The following ANKRD45 variants were observed in gnomAD, a reference collection of about 807,000 sequenced individuals.
The protein encoded by ANKRD45 is ankyrin repeat domain 45.
Under a neutral mutation model 28.1 loss-of-function variants are expected in ANKRD45, and 21 were observed. That is an observed-to-expected ratio of 0.75 (90% CI 0.53 to 1.08). The LOEUF (loss-of-function observed/expected upper bound fraction) is 1.08, where lower values mean the gene tolerates loss of function less well. ANKRD45 is among the 50% of genes least tolerant of loss of function. The pLI is 0.00. For missense variants in ANKRD45, 261 were observed against 308.7 expected, an observed-to-expected ratio of 0.85 and a Z score of 1.16; for synonymous variants, 86 against 103.9, an observed-to-expected ratio of 0.83 and a Z score of 1.05.
At chr1:173,708,875 G>T in the ANKRD45 span, among the ~76,000 whole-genome samples, 1 of 152,132 alleles carries the variant, frequency 6.6e-6, no homozygotes, top group Non-Finnish European at 1.5e-5. Flanking sequence ...ATTAGCACTG[G>T]GACCCCGGTC....
At position 173,624,876 on chromosome 1, in the gene ANKRD45, T is replaced by C. The variant is rs1196542882; in HGVS notation, c.641A>G (p.His214Arg). Residue 214 changes from histidine (H) to arginine (R), a missense_variant, in exon 5 of 6, where the codon CAT (histidine) becomes CGT (arginine). By Grantham distance (29) the His-to-Arg change is conservative (BLOSUM62 0). Coordinates refer to ENST00000333279, the MANE Select transcript of ANKRD45 (RefSeq NM_198493.3). ...CRAKNEWLET[H>R]TEASINELFE... ...AAGCTCATTAATGGAAGCTTCTGTA[T>C]GGGTTTCCAACCACTCATTTTTTGC... is the stretch of plus-strand genomic sequence containing the variant. 12 of 1,613,838 alleles carry C rather than the reference T, an allele frequency of 7.4e-6. No individual in the cohort carries two copies. Among genetic ancestry groups the C allele is most frequent in the African/African-American group, 2.7e-5 (2 of 75,050 alleles).
chr1:173,611,013 T>C (rs528862341), intron 5 of ANKRD45, among the ~76,000 whole-genome samples: 1 of 152,100 alleles, frequency 6.6e-6, no homozygotes, highest in Non-Finnish European at 1.5e-5. Flanking sequence ...GCCCAAAAAA[T>C]AAAGCCGAAA....
the ANKRD45 span, among the ~76,000 whole-genome samples, chr1:173,706,599 A>T: frequency 3.3e-5 from 5 of 151,998 alleles, no homozygotes; most frequent in Admixed American, 6.6e-5. Flanking sequence ...TCGGCCTCCC[A>T]AAGTGCTGGG....
At chr1:173,697,870 C>A in the ANKRD45 span, among the ~76,000 whole-genome samples, 1 of 151,956 alleles carries the variant, frequency 6.6e-6, no homozygotes, top group East Asian at 1.9e-4. Context: ...CACAGACTAG[C>A]AAATTGGATA....
At position 173,608,892 on chromosome 1, in the gene ANKRD45, G is replaced by GAGGAA. The variant is rs1667031623; in HGVS notation, c.*1252_*1253insTTCCT. 1.2e-5 allele frequency among the ~76,000 whole-genome samples: 1 copy of GAGGAA among 81,572 alleles called. No homozygotes were observed. The highest frequency in any genetic ancestry group is 2.3e-5 in the Non-Finnish European group (1 of 42,734). The allele number at this position is 81,572 out of a possible 152,430, so 53.5% of individuals were successfully genotyped here. ...GGGGAGGGGAGAGGAAGGGAGGGGA[G>GAGGAA]GGGAGAGGAAGGGAGAGGAAGGGAG... is the stretch of plus-strand genomic sequence containing the variant. On this transcript the variant is annotated 3_prime_UTR_variant, in exon 6 of 6. Transcript: ENST00000333279.
At chr1:173,654,004 C>G (rs1348758966) in intron 2 of ANKRD45, among the ~76,000 whole-genome samples, 6 of 148,856 alleles carry the variant, frequency 4.0e-5, no homozygotes. Context: ...TGTGTCTCTG[C>G]ACATGAGATG....
intron 4 of ANKRD45, 134 bp from the exon 5 acceptor site, chr1:173,625,059 A>T: frequency 1.2e-6 from 1 of 825,648 alleles, no homozygotes; most frequent in East Asian, 2.7e-5. Context: ...TGTCCAATAC[A>T]GTAGCCATTA....
the ANKRD45 span, among the ~76,000 whole-genome samples, chr1:173,714,524 T>C: frequency 6.6e-6 from 1 of 152,150 alleles, no homozygotes; most frequent in African/African-American, 2.4e-5. Flanking sequence ...CTCTGGTCTG[T>C]CTATCTAACT....
At chr1:173,702,844 C>T in the ANKRD45 span, among the ~76,000 whole-genome samples, 4 of 151,558 alleles carry the variant, frequency 2.6e-5, 1 homozygote, top group African/African-American at 9.7e-5. Flanking sequence ...ACTTCAGCCT[C>T]CTGAAGTCAT....
At chr1:173,615,425 G>A (rs1251388573) in intron 5 of ANKRD45, among the ~76,000 whole-genome samples, 1 of 150,432 alleles carries the variant, frequency 6.6e-6, no homozygotes, top group East Asian at 2.0e-4. Context: ...GTGTAGTGCT[G>A]AAGTGCGGTC....
chr1:173,655,207 T>C (rs1194883681), intron 2 of ANKRD45, among the ~76,000 whole-genome samples: 1 of 136,704 alleles, frequency 7.3e-6, no homozygotes, highest in Non-Finnish European at 1.5e-5. Flanking sequence ...GCTTTTCTGC[T>C]CGGTTTCTCC....
intron 2 of ANKRD45, among the ~76,000 whole-genome samples, chr1:173,657,085 T>C (rs1304525340): frequency 6.7e-6 from 1 of 149,708 alleles, no homozygotes; most frequent in African/African-American, 2.4e-5. Flanking sequence ...GCTCTAATGA[T>C]TTTTTTTACA....
chr1:173,628,294 C>G (rs1027559322), intron 3 of ANKRD45, among the ~76,000 whole-genome samples: 2 of 152,006 alleles, frequency 1.3e-5, no homozygotes, highest in Non-Finnish European at 2.9e-5. Flanking sequence ...TGGGTACCAG[C>G]TCAGCCACAG....
intron 3 of ANKRD45, among the ~76,000 whole-genome samples, chr1:173,628,891 G>A (rs1668063667): frequency 6.6e-6 from 1 of 152,228 alleles, no homozygotes; most frequent in African/African-American, 2.4e-5. Context: ...GGCCACAGGG[G>A]TGCTTGTCTT....
chr1:173,609,963 A>G lies in ANKRD45; in HGVS notation c.*182T>C. 1 of 615,246 alleles carries G rather than the reference A, an allele frequency of 1.6e-6. No individual in the cohort carries two copies. The highest frequency in any genetic ancestry group is 3.0e-5 in the Admixed American group (1 of 33,244). The allele number at this position is 615,246 out of a possible 1,614,324, so 38.1% of individuals were successfully genotyped here. A position where few individuals can be genotyped will look rare whatever the true frequency, so the allele number is the denominator to read the frequency against. On this transcript the variant is annotated 3_prime_UTR_variant, in exon 6 of 6. Transcript: ENST00000333279. ...ACTCACATGGGGCTGTGCTTGGAGG[A>G]GCAGAGGCGAGGCCAGAGTCCGGAC...
intron 5 of ANKRD45, among the ~76,000 whole-genome samples, chr1:173,611,411 T>C (rs974697747): frequency 1.3e-5 from 2 of 152,172 alleles, no homozygotes; most frequent in Non-Finnish European, 2.9e-5. Flanking sequence ...TTCATGTTAG[T>C]TCTAGATGGC....
At chr1:173,634,048 C>T (rs966177590) in intron 3 of ANKRD45, among the ~76,000 whole-genome samples, 3 of 151,962 alleles carry the variant, frequency 2.0e-5, no homozygotes, top group African/African-American at 7.2e-5. Flanking sequence ...AGTGAAGAGG[C>T]AACCCACAGA....
chr1:173,626,264 A>AT (rs1667933071), intron 4 of ANKRD45, among the ~76,000 whole-genome samples: 1 of 152,210 alleles, frequency 6.6e-6, no homozygotes, highest in African/African-American at 2.4e-5. Flanking sequence ...AAATGAAATA[A>AT]TTTAAAACCA....
intron 1 of ANKRD45, among the ~76,000 whole-genome samples, chr1:173,668,647 G>T (rs138968344): frequency 1.1e-4 from 17 of 152,240 alleles, no homozygotes; most frequent in Admixed American, 6.5e-4. Context: ...ACTAGCCAAA[G>T]AAATCAATTC....
Sources: allele counts gnomAD v4.1 joint callset (sites outside exome capture counted in the v4.1 genomes callset), GRCh38; gene constraint gnomAD v4.1.1; transcripts MANE v1.5; gene names NCBI Gene and HGNC (gene_info 2026-07-23, HGNC 2026-07-21).